SUPT3H: variants seen among roughly 807,000 people sequenced by gnomAD.
SUPT3H encodes the protein SPT3 homolog, SAGA and STAGA complex component.
In SUPT3H, 44 loss-of-function variants were observed where a neutral mutation model predicts 44.3. The observed-to-expected ratio is 0.99, with a 90% confidence interval of 0.78 to 1.28. The LOEUF (loss-of-function observed/expected upper bound fraction) is 1.28. Among genes scored for constraint, SUPT3H ranks in the 50% most tolerant of loss-of-function variants. SUPT3H has a pLI of 0.00. For missense variants in SUPT3H, 380 were observed against 387.1 expected (o/e 0.98, Z 0.15); for synonymous variants, 124 against 125.6 (o/e 0.99, Z 0.09).
At chr6:44,925,085 T>A (rs938561842) in intron 10 of SUPT3H, among the ~76,000 whole-genome samples, 1 of 152,176 alleles carries the variant, frequency 6.6e-6, no homozygotes, top group Non-Finnish European at 1.5e-5. Context: ...TCTTTAAAAA[T>A]TTTTCATATT....
intron 3 of SUPT3H, among the ~76,000 whole-genome samples, chr6:45,084,574 A>G (rs995307800): frequency 6.6e-6 from 1 of 152,212 alleles, no homozygotes; most frequent in East Asian, 1.9e-4. Flanking sequence ...CAAAGAACTT[A>G]AAACAGAAGT....
chr6:45,132,605 T>TTGGCAGATTATCA (rs1475319629), intron 2 of SUPT3H, among the ~76,000 whole-genome samples: 2 of 152,204 alleles, frequency 1.3e-5, no homozygotes, highest in Non-Finnish European at 2.9e-5. Context: ...TACAAAAGAC[T>TTGGCAGATTATCA]TGGCAGATTA....
chr6:45,083,696 T>G (rs2153559536), intron 3 of SUPT3H, among the ~76,000 whole-genome samples: 1 of 147,640 alleles, frequency 6.8e-6, no homozygotes, highest in South Asian at 2.1e-4. Flanking sequence ...TTCATAAGGG[T>G]ACAGTAAAAA....
At chr6:45,091,245 G>A (rs1056673367) in intron 3 of SUPT3H, among the ~76,000 whole-genome samples, 2 of 151,730 alleles carry the variant, frequency 1.3e-5, no homozygotes, top group African/African-American at 4.8e-5. Context: ...ATTTATCATA[G>A]ACTTGAAACT....
intron 6 of SUPT3H, among the ~76,000 whole-genome samples, chr6:44,979,095 T>A (rs1157962670): frequency 6.6e-6 from 1 of 152,198 alleles, no homozygotes; most frequent in Non-Finnish European, 1.5e-5. Flanking sequence ...ACACCAGGTA[T>A]CCCATATAGT....
intron 10 of SUPT3H, among the ~76,000 whole-genome samples, chr6:44,859,102 TA>T (rs1007341130): frequency 6.6e-6 from 1 of 152,100 alleles, no homozygotes; most frequent in African/African-American, 2.4e-5. Context: ...TATAAAGAGG[TA>T]AAAAGAGTCC....
chr6:44,856,696 C>G (rs1410051500), intron 10 of SUPT3H, among the ~76,000 whole-genome samples: 1 of 152,184 alleles, frequency 6.6e-6, no homozygotes, highest in African/African-American at 2.4e-5. Context: ...TAGTGAACAA[C>G]AGGAAGCAGC....
At chr6:45,039,857 A>T (rs74294966) in intron 3 of SUPT3H, among the ~76,000 whole-genome samples, 18 of 151,188 alleles carry the variant, frequency 1.2e-4, no homozygotes, top group Non-Finnish European at 1.8e-4. Flanking sequence ...AAAAAAAAAA[A>T]TTTTGCTAGA....
intron 11 of SUPT3H, among the ~76,000 whole-genome samples, chr6:44,813,538 C>A (rs1766683467): frequency 6.8e-6 from 1 of 147,358 alleles, no homozygotes; most frequent in African/African-American, 2.5e-5. Flanking sequence ...TTCAGTAAAA[C>A]ACTCATAGGC....
At chr6:44,978,018 C>T (rs910432988) in intron 6 of SUPT3H, among the ~76,000 whole-genome samples, 3 of 151,978 alleles carry the variant, frequency 2.0e-5, no homozygotes, top group Admixed American at 2.0e-4. Context: ...ATAGTGCCTA[C>T]TGAATATTCA....
chr6:45,301,664 C>T (rs1782161124), intron 2 of SUPT3H, among the ~76,000 whole-genome samples: 1 of 152,078 alleles, frequency 6.6e-6, no homozygotes, highest in Admixed American at 6.6e-5. Flanking sequence ...ATCATGTGTG[C>T]AAGACTGTTT....
intron 6 of SUPT3H, among the ~76,000 whole-genome samples, chr6:44,994,155 C>A (rs374965344): frequency 2.0e-5 from 3 of 151,792 alleles, no homozygotes; most frequent in East Asian, 3.9e-4. Flanking sequence ...TTTGATTGGT[C>A]AGTTATTACT....
At chr6:44,971,755 T>A (rs2153483203) in intron 6 of SUPT3H, among the ~76,000 whole-genome samples, 1 of 152,160 alleles carries the variant, frequency 6.6e-6, no homozygotes, top group African/African-American at 2.4e-5. Flanking sequence ...CTTCCCAACA[T>A]CCCCCAAAGT....
intron 7 of SUPT3H, among the ~76,000 whole-genome samples, chr6:44,959,217 C>T (rs1228540012): frequency 6.6e-6 from 1 of 151,760 alleles, no homozygotes; most frequent in East Asian, 1.9e-4. Context: ...AAAAACTTTA[C>T]GTCATGGATG....
At chr6:45,317,136 A>G (rs1784813615) in intron 2 of SUPT3H, among the ~76,000 whole-genome samples, 1 of 147,454 alleles carries the variant, frequency 6.8e-6, no homozygotes, top group African/African-American at 2.5e-5. Context: ...CTGAGGTGGA[A>G]GGATCACTTG....
rs10670652 is a variant in SUPT3H at position 44,958,872 on chromosome 6, G to GTTTT, written c.580+2877_580+2880dup. 2.8e-3 allele frequency among the ~76,000 whole-genome samples: 277 copies of GTTTT among 98,196 alleles called. 8 individuals are homozygous for GTTTT. The highest frequency in any genetic ancestry group is 4.0e-3 in the Non-Finnish European group (216 of 53,426). 64.4% of individuals were successfully genotyped at this position (98,196 alleles called of 152,430 possible). A position where few individuals can be genotyped will look rare whatever the true frequency, so the allele number is the denominator to read the frequency against. On this transcript the variant is annotated intron_variant, in intron 7 of 10. Transcript: ENST00000371459. ...AGGAAAGTTTAAGTACTTATCAATG[G>GTTTT]TTTTTTTTTTTTTTTTTTTTTGAGA...
At chr6:45,047,145 C>A (rs1004840323) in intron 3 of SUPT3H, among the ~76,000 whole-genome samples, 1 of 152,174 alleles carries the variant, frequency 6.6e-6, no homozygotes, top group African/African-American at 2.4e-5. Flanking sequence ...ATGTTTCCTG[C>A]AACTAAAGTC....
chr6:45,367,411 T>C (rs1410541164), intron 1 of SUPT3H, among the ~76,000 whole-genome samples: 2 of 151,790 alleles, frequency 1.3e-5, no homozygotes, highest in African/African-American at 4.8e-5. Context: ...AGTACTTTTC[T>C]CTACAAATAA....
chr6:45,359,842 A>G (rs1439785390), intron 2 of SUPT3H, among the ~76,000 whole-genome samples: 2 of 152,152 alleles, frequency 1.3e-5, no homozygotes, highest in African/African-American at 4.8e-5. Context: ...CCAGAAGTTC[A>G]AGACCAGCCT....
Sources: gnomAD v4.1 joint callset for allele counts (sites outside exome capture counted in the v4.1 genomes callset) on GRCh38, gnomAD v4.1.1 for gene constraint, MANE v1.5 for transcripts, NCBI Gene and HGNC (gene_info 2026-07-23, HGNC 2026-07-21) for gene names.